Variants in CPQ observed in about 807,000 individuals in gnomAD.
CPQ encodes the protein carboxypeptidase Q.
In CPQ, 37 loss-of-function variants were observed where a neutral mutation model predicts 45.7. The ratio of observed to expected loss-of-function variants is 0.81; its 90% CI spans 0.62 to 1.07. CPQ has a LOEUF of 1.07. Ranked by LOEUF, CPQ falls within the 50% of genes least tolerant of loss-of-function variation. The pLI, the probability that CPQ is intolerant of heterozygous loss-of-function variation, is 0.00. For synonymous variants in CPQ, 186 were observed against 205.8 expected (o/e 0.90, Z 0.82); for missense variants, 537 against 572.9 (o/e 0.94, Z 0.64).
intron 3 of CPQ, among the ~76,000 whole-genome samples, chr8:96,837,953 A>G (rs1301277233): frequency 6.6e-6 from 1 of 152,166 alleles, no homozygotes; most frequent in Non-Finnish European, 1.5e-5. Context: ...ACATTCCAGC[A>G]GTCAGCAATC....
intron 1 of CPQ, among the ~76,000 whole-genome samples, chr8:96,664,308 A>G (rs1474290923): frequency 6.6e-6 from 1 of 152,218 alleles, no homozygotes; most frequent in Non-Finnish European, 1.5e-5. Context: ...ATGACTCTAT[A>G]GGTAAAGGGA....
chr8:96,677,115 A>G (rs1209607426), intron 1 of CPQ, among the ~76,000 whole-genome samples: 1 of 152,060 alleles, frequency 6.6e-6, no homozygotes, highest in African/African-American at 2.4e-5. Context: ...TGCAATTGCA[A>G]ATTGTGCTGC....
chr8:96,647,445 C>T (rs1259744171), intron 1 of CPQ, among the ~76,000 whole-genome samples: 2 of 152,178 alleles, frequency 1.3e-5, no homozygotes, highest in Non-Finnish European at 2.9e-5. Flanking sequence ...CCCATTTAAT[C>T]ATCACTATAT....
intron 2 of CPQ, among the ~76,000 whole-genome samples, chr8:96,831,738 A>G (rs982387042): frequency 6.6e-6 from 1 of 152,272 alleles, no homozygotes; most frequent in Non-Finnish European, 1.5e-5. Context: ...GGTCATCACC[A>G]TGGCTCACAT....
At chr8:97,092,551 A>C (rs1811143686) in intron 7 of CPQ, 1 of 152,198 alleles carries the variant, frequency 6.6e-6, no homozygotes, top group Non-Finnish European at 1.5e-5. Flanking sequence ...TGGCAAAGCC[A>C]ACAGTAAAAA....
chr8:96,996,545 A>T (rs1367648394), intron 5 of CPQ, among the ~76,000 whole-genome samples: 1 of 152,034 alleles, frequency 6.6e-6, no homozygotes, highest in Non-Finnish European at 1.5e-5. Context: ...TATCCTAACA[A>T]ATTTAAGTTA....
intron 1 of CPQ, among the ~76,000 whole-genome samples, chr8:96,724,501 A>T (rs989615384): frequency 9.9e-5 from 15 of 151,400 alleles, no homozygotes; most frequent in Non-Finnish European, 7.4e-5. Context: ...ACACACACAC[A>T]CACACACACA....
At chr8:96,977,043 A>G (rs1813802022) in intron 5 of CPQ, among the ~76,000 whole-genome samples, 1 of 152,194 alleles carries the variant, frequency 6.6e-6, no homozygotes, top group Non-Finnish European at 1.5e-5. Flanking sequence ...AAAAGAAATC[A>G]TCAGCAGAGT....
At chr8:96,685,122 AAAAAAAC>A (rs1343036373) in intron 1 of CPQ, among the ~76,000 whole-genome samples, 6 of 74,704 alleles carry the variant, frequency 8.0e-5, no homozygotes, top group African/African-American at 1.8e-4. Context: ...AACAAACAAC[AAAAAAAC>A]AAAAAACAAA....
chr8:96,864,577 A>T (rs1811972351), intron 3 of CPQ, among the ~76,000 whole-genome samples: 1 of 151,040 alleles, frequency 6.6e-6, no homozygotes, highest in Non-Finnish European at 1.5e-5. Context: ...TCAAAGATCA[A>T]ACAGTGCAGA....
chr8:96,855,551 A>C (rs907054146), intron 3 of CPQ, among the ~76,000 whole-genome samples: 3 of 152,198 alleles, frequency 2.0e-5, no homozygotes, highest in African/African-American at 7.2e-5. Flanking sequence ...TCACTTCCCC[A>C]GGGAGGCCTT....
At chr8:97,049,076 A>G (rs184527233) in intron 6 of CPQ, among the ~76,000 whole-genome samples, 51 of 152,308 alleles carry the variant, frequency 3.3e-4, no homozygotes, top group Non-Finnish European at 5.9e-4. Flanking sequence ...TGCAAATATA[A>G]TTTCCCAGCT....
intron 3 of CPQ, among the ~76,000 whole-genome samples, chr8:96,872,661 T>C (rs1812087325): frequency 6.6e-6 from 1 of 151,880 alleles, no homozygotes; most frequent in Non-Finnish European, 1.5e-5. Flanking sequence ...GTGGTTGTAT[T>C]AGTCAGGACT....
At chr8:96,916,064 C>A (rs1049125891) in intron 4 of CPQ, among the ~76,000 whole-genome samples, 13 of 152,176 alleles carry the variant, frequency 8.5e-5, no homozygotes, top group African/African-American at 2.9e-4. Context: ...GAAGAGAAGG[C>A]AGGATATCCT....
intron 1 of CPQ, among the ~76,000 whole-genome samples, chr8:96,650,830 A>C (rs997620963): frequency 6.6e-6 from 1 of 152,192 alleles, no homozygotes; most frequent in Non-Finnish European, 1.5e-5. Flanking sequence ...TATCTACGTA[A>C]ATCAAATGAC....
chr8:96,938,361 C>T (rs1471022155), intron 4 of CPQ, among the ~76,000 whole-genome samples: 1 of 152,170 alleles, frequency 6.6e-6, no homozygotes, highest in East Asian at 1.9e-4. Context: ...GGTGCCATTA[C>T]ACTCCAGTCT....
intron 1 of CPQ, among the ~76,000 whole-genome samples, chr8:96,667,601 G>A (rs1239037580): frequency 6.6e-6 from 1 of 151,718 alleles, no homozygotes; most frequent in African/African-American, 2.4e-5. Context: ...TGCCCGCCTC[G>A]GCTTCCCAAA....
intron 5 of CPQ, among the ~76,000 whole-genome samples, chr8:97,011,274 C>T (rs1189609060): frequency 6.6e-6 from 1 of 152,196 alleles, no homozygotes; most frequent in Non-Finnish European, 1.5e-5. Flanking sequence ...GCATTGGTCT[C>T]ATCTCTCACC....
At chr8:96,763,581 A>G (rs952270421) in intron 1 of CPQ, among the ~76,000 whole-genome samples, 5 of 152,174 alleles carry the variant, frequency 3.3e-5, no homozygotes, top group Admixed American at 6.6e-5. Context: ...GAATGAAAGG[A>G]CAAGTCACAG....
Sources: allele counts gnomAD v4.1 joint callset (sites outside exome capture counted in the v4.1 genomes callset), GRCh38; gene constraint gnomAD v4.1.1; transcripts MANE v1.5; gene names NCBI Gene and HGNC (gene_info 2026-07-23, HGNC 2026-07-21).